UBE2O: variants seen among roughly 807,000 people sequenced by gnomAD.
The protein encoded by UBE2O is ubiquitin conjugating enzyme E2 O, also known as (E3-independent) E2 ubiquitin-conjugating enzyme.
UBE2O carries 15 observed loss-of-function variants against 125.8 expected under a neutral mutation model. That is an observed-to-expected ratio of 0.12 (90% CI 0.08 to 0.18). The LOEUF (loss-of-function observed/expected upper bound fraction) is 0.18. UBE2O is among the 10% of genes least tolerant of loss of function. The pLI is 1.00. For missense variants in UBE2O, 1,280 were observed against 1,723.6 expected, an observed-to-expected ratio of 0.74 and a Z score of 4.56; for synonymous variants, 708 against 703.2, an observed-to-expected ratio of 1.01 and a Z score of -0.11.
chr17:76,392,484 C>T (rs1002808766), intron 15 of UBE2O, among the ~76,000 whole-genome samples: 10 of 151,978 alleles, frequency 6.6e-5, no homozygotes, highest in South Asian at 6.2e-4. Flanking sequence ...AGGTTGGTCT[C>T]GAACTCCTGG....
rs575530751 is a variant in UBE2O, at chr17:76,430,242, A to G, written c.417+22483T>C. ...TGTCCTTGTGGGTTTATACATCTAA[A>G]AACAATTATTTTGCTGTTATTTTAG... On this transcript the variant is annotated intron_variant, in intron 1 of 17. Transcript: ENST00000319380. Among the ~76,000 whole-genome samples the G allele has an allele frequency of 9.2e-5, 14 of 152,312 alleles. No homozygotes were observed. The South Asian group carries it at 2.7e-3, about 29-fold the overall frequency.
intron 5 of UBE2O, 79 bp from the exon 6 acceptor site, chr17:76,401,233 C>T: frequency 1.3e-6 from 2 of 1,537,320 alleles, no homozygotes; most frequent in Non-Finnish European, 1.8e-6. Context: ...CCTGTGCCCG[C>T]TGGCTGCCCA....
chr17:76,450,223 A>G (rs2073216733), intron 1 of UBE2O, among the ~76,000 whole-genome samples: 1 of 152,100 alleles, frequency 6.6e-6, no homozygotes. Flanking sequence ...AAGGAGCAGG[A>G]GGTGAGAAGA....
chr17:76,401,036 C>T lies in UBE2O; in HGVS notation c.869G>A (p.Ser290Asn). Residue 290 changes from serine to asparagine, a missense_variant, in exon 6 of 18, where the codon AGC (serine) becomes AAC (asparagine). Transcript: ENST00000319380. Reference protein sequence around the residue: ...SGVKPVLSTKSKFRVVVEEVQ... With the variant: ...SGVKPVLSTKNKFRVVVEEVQ... ...CTCTTCCACCACCACTCGGAACTTGCTCTTGGTGCTGAGCACGGGCTTGAC... is the reference window on the plus strand; with the variant it reads ...CTCTTCCACCACCACTCGGAACTTGTTCTTGGTGCTGAGCACGGGCTTGAC... The T allele has an allele frequency of 6.2e-7, 1 of 1,613,894 alleles. No individual in the cohort carries two copies. The highest frequency in any genetic ancestry group is 8.5e-7 in the Non-Finnish European group (1 of 1,180,020).
chr17:76,440,042 T>G (rs2073054039), intron 1 of UBE2O, among the ~76,000 whole-genome samples: 1 of 152,228 alleles, frequency 6.6e-6, no homozygotes, highest in Non-Finnish European at 1.5e-5. Flanking sequence ...ACAGAGATGC[T>G]TCTGTGCTTC....
intron 1 of UBE2O, among the ~76,000 whole-genome samples, chr17:76,412,961 T>C (rs952054698): frequency 1.3e-5 from 2 of 152,092 alleles, no homozygotes; most frequent in African/African-American, 4.8e-5. Context: ...TGAGCCGAGA[T>C]TGCGCCATTG....
chr17:76,427,651 G>A (rs1394252054), intron 1 of UBE2O, among the ~76,000 whole-genome samples: 1 of 152,206 alleles, frequency 6.6e-6, no homozygotes, highest in Non-Finnish European at 1.5e-5. Context: ...CAGGGGTATC[G>A]CCAGTCTGCT....
intron 1 of UBE2O, among the ~76,000 whole-genome samples, chr17:76,448,110 C>T (rs941286325): frequency 1.3e-5 from 2 of 152,156 alleles, no homozygotes; most frequent in African/African-American, 4.8e-5. Context: ...GTACAAAACA[C>T]ACACCCTTCA....
At chr17:76,438,897 C>T (rs555128327) in intron 1 of UBE2O, among the ~76,000 whole-genome samples, 60 of 151,434 alleles carry the variant, frequency 4.0e-4, no homozygotes, top group South Asian at 2.1e-4. Context: ...ACACCGAGGG[C>T]ACAGAGGACA....
rs533373640 is a variant in UBE2O at position 76,441,989 on chromosome 17, C to T, written c.417+10736G>A. ...TCTTTTTCCAATAGAGAGCCTCGTT[C>T]GTACTTAGCCATCCTCCTAAGGTGA... On this transcript the variant is annotated intron_variant, in intron 1 of 17. Transcript: ENST00000319380. Among the ~76,000 whole-genome samples, 6 of 152,312 alleles carry T rather than the reference C, an allele frequency of 3.9e-5. No homozygotes were observed. In the East Asian group the frequency reaches 5.8e-4, roughly 15 times the overall value.
chr17:76,409,779 A>G (rs559818584), intron 1 of UBE2O, among the ~76,000 whole-genome samples: 10 of 152,254 alleles, frequency 6.6e-5, no homozygotes, highest in Non-Finnish European at 7.4e-5. Context: ...CCTCCTCTGG[A>G]AACAGGAGCA....
chr17:76,446,318 T>A (rs1202151749), intron 1 of UBE2O, among the ~76,000 whole-genome samples: 2 of 152,212 alleles, frequency 1.3e-5, no homozygotes, highest in Non-Finnish European at 2.9e-5. Flanking sequence ...CAATTCATGT[T>A]ATACACGACA....
At chr17:76,425,995 C>CT (rs1189740269) in intron 1 of UBE2O, among the ~76,000 whole-genome samples, 1 of 152,090 alleles carries the variant, frequency 6.6e-6, no homozygotes, top group South Asian at 2.1e-4. Context: ...ACAGGAGGCA[C>CT]TTTTTTTCCA....
Position 76,396,901 on chromosome 17 carries a change from T to G in UBE2O, c.2116-80A>C. Reference sequence around the variant, plus strand: ...ACTAAGGAGGAGCTCTGGGGATCCCTGATCCGCACAGCTGATGGCGACTGG... The same window carrying G: ...ACTAAGGAGGAGCTCTGGGGATCCCGGATCCGCACAGCTGATGGCGACTGG... On this transcript the variant is annotated intron_variant, in intron 13 of 17. Transcript: ENST00000319380. This position sits in a 1 kb window ranked among gnomAD's most constrained non-coding sequence, Gnocchi z 6.7. 5 of 1,256,076 alleles carry G rather than the reference T, an allele frequency of 4.0e-6. No individual in the cohort carries two copies. Among genetic ancestry groups the G allele is most frequent in the South Asian group, 1.4e-5 (1 of 69,932 alleles). 77.8% of individuals were successfully genotyped at this position (1,256,076 alleles called of 1,614,324 possible).
chr17:76,419,871 CAG>C (rs1256470437), intron 1 of UBE2O, among the ~76,000 whole-genome samples: 4 of 152,216 alleles, frequency 2.6e-5, no homozygotes, highest in Non-Finnish European at 5.9e-5. Context: ...GCGGAAACCT[CAG>C]AGTCTGAGAA....
rs2143658657 is a variant in UBE2O at position 76,391,420 on chromosome 17, A to G, written c.3402T>C (p.Gly1134=). The change falls in exon 18 of 18, where the codon GGT becomes GGC. Residue 1134 remains glycine (G), a synonymous_variant. Transcript: ENST00000319380. This position sits in a 1 kb window ranked among gnomAD's most constrained non-coding sequence, Gnocchi z 8.4. ...CGATACGGTTCACCAGCCGCCAGCCACCAGTGCTAAAGTGTTGCCTGATCT... is the reference window on the plus strand; with the variant it reads ...CGATACGGTTCACCAGCCGCCAGCCGCCAGTGCTAAAGTGTTGCCTGATCT... ...EQEIRQHFST[G]GWRLVNRIES... 4 of 1,613,496 alleles carry G rather than the reference A, an allele frequency of 2.5e-6. No homozygotes were observed. In the East Asian group the frequency reaches 8.9e-5, roughly 36 times the overall value.
Position 76,402,125 on chromosome 17 carries a change from C to A in UBE2O, c.689G>T (p.Cys230Phe). Residue 230 changes from cysteine (C) to phenylalanine (F), a missense_variant and splice_region_variant, in exon 5 of 18, where the codon TGC (cysteine) becomes TTC (phenylalanine). By Grantham distance (205) the Cys-to-Phe change is radical. Around this residue, in one of 10 missense-constraint regions of UBE2O, gnomAD observed 206 missense variants for 315.7 expected, o/e 0.65. Transcript: ENST00000319380. This position sits in a 1 kb window ranked among gnomAD's most constrained non-coding sequence, Gnocchi z 5.4. ...GGCGCCATCTTCCGTGTTCATGGAG[C>A]ACCTAAAACAGAGAACAGAGGTTTG... ...IILKLSNGAR[C>F]SMNTEDGAKL... 1 of 1,613,524 alleles carries A rather than the reference C, an allele frequency of 6.2e-7. No homozygotes were observed. Among genetic ancestry groups the A allele is most frequent in the Non-Finnish European group, 8.5e-7 (1 of 1,179,944 alleles).
intron 5 of UBE2O, among the ~76,000 whole-genome samples, 158 bp from the exon 6 acceptor site, chr17:76,401,312 C>T (rs2143710350): frequency 6.6e-6 from 1 of 152,354 alleles, no homozygotes. Flanking sequence ...CACATCAGCA[C>T]TTCCCAAACC....
chr17:76,413,480 T>C (rs1409649613), intron 1 of UBE2O, among the ~76,000 whole-genome samples: 2 of 152,150 alleles, frequency 1.3e-5, no homozygotes, highest in Non-Finnish European at 2.9e-5. Context: ...AATATACATG[T>C]GGTAAGAATA....
Sources: allele counts gnomAD v4.1 joint callset (sites outside exome capture counted in the v4.1 genomes callset), GRCh38; gene constraint gnomAD v4.1.1; regional missense constraint gnomAD v4.1.1; non-coding constraint Gnocchi (gnomAD v3.1); transcripts MANE v1.5; gene names NCBI Gene and HGNC (gene_info 2026-07-23, HGNC 2026-07-21).